Variants in LINGO1 observed in about 807,000 individuals in gnomAD.
LINGO1 encodes the protein leucine-rich repeat and immunoglobulin-like domain-containing nogo receptor-interacting protein 1.
A neutral mutation model predicts 37.3 loss-of-function variants in LINGO1; 11 were observed. That is an observed-to-expected ratio of 0.29 (90% CI 0.19 to 0.49). LINGO1 has a LOEUF of 0.49. Ranked by LOEUF, LINGO1 falls within the 20% of genes least tolerant of loss-of-function variation. The pLI is 0.99. For synonymous variants in LINGO1, 387 were observed against 403.0 expected (o/e 0.96, Z 0.48); for missense variants, 585 against 878.2 (o/e 0.67, Z 4.22).
chr15:77,659,775 A>T (rs1407017636), intron 3 of LINGO1, among the ~76,000 whole-genome samples: 1 of 146,068 alleles, frequency 6.8e-6, no homozygotes, highest in Non-Finnish European at 1.5e-5. Context: ...CAGATTTATA[A>T]TGGAAGTCTC....
intron 1 of LINGO1, among the ~76,000 whole-genome samples, chr15:77,785,369 TC>T (rs1409727490): frequency 1.3e-5 from 2 of 152,166 alleles, no homozygotes; most frequent in Non-Finnish European, 2.9e-5. Flanking sequence ...GCCACCAGCC[TC>T]TTCCCAGGCC....
chr15:77,672,758 G>A (rs987333259), intron 3 of LINGO1, among the ~76,000 whole-genome samples: 10 of 152,192 alleles, frequency 6.6e-5, no homozygotes, highest in African/African-American at 1.9e-4. Flanking sequence ...GTAAGGCCCC[G>A]TGTGCCTAGC....
chr15:77,722,314 T>C (rs1380721639), intron 2 of LINGO1, among the ~76,000 whole-genome samples: 2 of 152,212 alleles, frequency 1.3e-5, no homozygotes, highest in African/African-American at 4.8e-5. Context: ...GGAACTAGAC[T>C]GTCCCCCAAC....
At chr15:77,731,195 C>G (rs921868737) in intron 2 of LINGO1, among the ~76,000 whole-genome samples, 1 of 152,146 alleles carries the variant, frequency 6.6e-6, no homozygotes, top group African/African-American at 2.4e-5. Flanking sequence ...TGCGGGAGAA[C>G]AGGCTGGGCC....
chr15:77,687,225 C>T (rs1375655529), intron 2 of LINGO1, among the ~76,000 whole-genome samples: 1 of 152,070 alleles, frequency 6.6e-6, no homozygotes, highest in African/African-American at 2.4e-5. Context: ...GATTCAGGAT[C>T]AGGGCTCAGT....
intron 1 of LINGO1, among the ~76,000 whole-genome samples, chr15:77,810,227 T>TAC (rs59680666): frequency 0.02 from 2,813 of 143,144 alleles, 55 homozygotes; most frequent in African/African-American, 0.05. Flanking sequence ...CACACAAACA[T>TAC]ACACACACAC....
At chr15:77,792,700 T>G (rs2076827648) in intron 2 of LINGO1, among the ~76,000 whole-genome samples, 1 of 152,270 alleles carries the variant, frequency 6.6e-6, no homozygotes, top group Non-Finnish European at 1.5e-5. Context: ...ACGGATTTAC[T>G]TATCTGGTTT....
At chr15:77,616,835 T>G (rs916275040) in intron 1 of LINGO1, among the ~76,000 whole-genome samples, 3 of 152,164 alleles carry the variant, frequency 2.0e-5, no homozygotes, top group Non-Finnish European at 2.9e-5. Flanking sequence ...CAAGGCCTAA[T>G]TGAAGTCCGC....
chr15:77,760,765 G>A (rs1178735698), intron 1 of LINGO1, among the ~76,000 whole-genome samples: 1 of 152,162 alleles, frequency 6.6e-6, no homozygotes, highest in Non-Finnish European at 1.5e-5. Context: ...TGGGACACAG[G>A]AGGAGGAATA....
intron 3 of LINGO1, among the ~76,000 whole-genome samples, chr15:77,644,521 A>G (rs1200944183): frequency 6.6e-6 from 1 of 152,212 alleles, no homozygotes; most frequent in Non-Finnish European, 1.5e-5. Flanking sequence ...TCACCTGGGA[A>G]ATAAGGATGG....
At chr15:77,674,358 G>A (rs998777090) in intron 3 of LINGO1, among the ~76,000 whole-genome samples, 2 of 152,156 alleles carry the variant, frequency 1.3e-5, no homozygotes, top group African/African-American at 4.8e-5. Context: ...CTTCACAGCT[G>A]CCAGAGGGAT....
At chr15:77,634,437 C>A, upstream of LINGO1, 1 of 432,954 alleles carries the variant, frequency 2.3e-6, no homozygotes, top group Non-Finnish European at 4.6e-6. Flanking sequence ...CCATGCTATG[C>A]TCTACTGTGA....
intron 2 of LINGO1, among the ~76,000 whole-genome samples, chr15:77,734,761 C>T (rs528058420): frequency 2.0e-5 from 3 of 152,214 alleles, no homozygotes; most frequent in African/African-American, 7.2e-5. Context: ...ACCCATCAGA[C>T]CAGGGAGCTG....
At chr15:77,654,994 A>C (rs1318409165) in intron 3 of LINGO1, among the ~76,000 whole-genome samples, 7 of 151,760 alleles carry the variant, frequency 4.6e-5, no homozygotes, top group Admixed American at 4.6e-4. Flanking sequence ...CCCTAGACAC[A>C]CCCTAAAGGA....
chr15:77,751,866 G>T (rs2076375332), intron 1 of LINGO1, among the ~76,000 whole-genome samples: 1 of 152,202 alleles, frequency 6.6e-6, no homozygotes. Flanking sequence ...GTAAGGCTGT[G>T]ATCCTAAGTA....
intron 1 of LINGO1, among the ~76,000 whole-genome samples, chr15:77,751,625 C>T (rs191379058): frequency 6.6e-6 from 1 of 152,148 alleles, no homozygotes; most frequent in Non-Finnish European, 1.5e-5. Context: ...CCTCCCTCCT[C>T]TGATCACTTG....
intron 3 of LINGO1, among the ~76,000 whole-genome samples, chr15:77,645,223 C>A (rs2074598180): frequency 6.6e-6 from 1 of 152,210 alleles, no homozygotes; most frequent in African/African-American, 2.4e-5. Context: ...ATTCCCAACA[C>A]CAGGGGCTGA....
chr15:77,621,576 G>T (rs752703043), intron 1 of LINGO1, among the ~76,000 whole-genome samples: 52 of 152,322 alleles, frequency 3.4e-4, no homozygotes, highest in Middle Eastern at 3.4e-3. Flanking sequence ...CCAGGCCAGG[G>T]GAGGGGCTGT....
chr15:77,816,226 G>A (rs1341837028), intron 1 of LINGO1, among the ~76,000 whole-genome samples: 1 of 152,192 alleles, frequency 6.6e-6, no homozygotes, highest in African/African-American at 2.4e-5. Context: ...CATCCGGGGA[G>A]GGGCCCAGGC....
Sources: gnomAD v4.1 joint callset for allele counts (sites outside exome capture counted in the v4.1 genomes callset) on GRCh38, gnomAD v4.1.1 for gene constraint, MANE v1.5 for transcripts, NCBI Gene and HGNC (gene_info 2026-07-23, HGNC 2026-07-21) for gene names.